Variants in GFOD2 observed in about 807,000 individuals in gnomAD.
GFOD2 encodes glucose-fructose oxidoreductase domain-containing protein 2.
GFOD2 carries 9 observed loss-of-function variants against 24.6 expected under a neutral mutation model. That is an observed-to-expected ratio of 0.37 (90% CI 0.22 to 0.64). The LOEUF is 0.64. Among genes scored for constraint, GFOD2 ranks in the 30% least tolerant of loss-of-function variants. The pLI, the probability that GFOD2 is intolerant of heterozygous loss-of-function variation, is 0.65. For synonymous variants in GFOD2, 211 were observed against 224.8 expected, an observed-to-expected ratio of 0.94 and a Z score of 0.55; for missense variants, 476 against 532.5, an observed-to-expected ratio of 0.89 and a Z score of 1.04.
chr16:67,683,724 T>G, intron 2 of GFOD2: 3 of 1,223,470 alleles, frequency 2.5e-6, no homozygotes, highest in Non-Finnish European at 3.1e-6. Flanking sequence ...TCCTATGACA[T>G]TCCTCAGAAT....
Position 67,675,585 on chromosome 16 carries a change from A to T in GFOD2, c.728T>A (p.Met243Lys). ...GACTTCATGCACAAAGGCGCCTGGC[A>T]TGTTGAAGTTGAGTGTCACTGTGCT... Reference protein sequence around the residue: ...VCSTVTLNFNMPGAFVHEVMV... With the variant: ...VCSTVTLNFNKPGAFVHEVMV... Residue 243 changes from methionine to lysine, a missense_variant, in exon 3 of 3, where the codon ATG (methionine) becomes AAG (lysine). Coordinates refer to ENST00000268797, the MANE Select transcript of GFOD2 (RefSeq NM_030819.4). 1 of 1,613,514 alleles carries T rather than the reference A, an allele frequency of 6.2e-7. No individual in the cohort carries two copies. The highest frequency in any genetic ancestry group is 8.5e-7 in the Non-Finnish European group (1 of 1,180,042).
intron 1 of GFOD2, among the ~76,000 whole-genome samples, chr16:67,694,143 C>T (rs1597797534): frequency 6.6e-6 from 1 of 151,984 alleles, no homozygotes; most frequent in Non-Finnish European, 1.5e-5. Context: ...TACAGGCACA[C>T]GCCATCACAC....
intron 1 of GFOD2, among the ~76,000 whole-genome samples, chr16:67,717,560 G>T (rs2053515951): frequency 6.6e-6 from 1 of 152,186 alleles, no homozygotes; most frequent in Non-Finnish European, 1.5e-5. Flanking sequence ...GGAGGCCAAG[G>T]CAGGCAGATC....
intron 1 of GFOD2, among the ~76,000 whole-genome samples, chr16:67,696,163 G>A (rs1388854653): frequency 1.3e-5 from 2 of 151,658 alleles, no homozygotes; most frequent in African/African-American, 4.8e-5. Flanking sequence ...ACAGGAGCCC[G>A]CCACCATGCC....
intron 1 of GFOD2, among the ~76,000 whole-genome samples, chr16:67,696,352 C>T (rs1165732271): frequency 6.7e-6 from 1 of 149,290 alleles, no homozygotes; most frequent in Non-Finnish European, 1.5e-5. Context: ...TATTACGTAT[C>T]TATGACCAAC....
intron 1 of GFOD2, among the ~76,000 whole-genome samples, chr16:67,687,153 A>T (rs1349092388): frequency 6.6e-6 from 1 of 151,676 alleles, no homozygotes; most frequent in Non-Finnish European, 1.5e-5. Flanking sequence ...GTCACAAAAA[A>T]AAAAAAAAAA....
At chr16:67,698,903 T>C (rs867912951) in intron 1 of GFOD2, among the ~76,000 whole-genome samples, 1 of 152,146 alleles carries the variant, frequency 6.6e-6, no homozygotes. Context: ...GGGAATGAAA[T>C]GGAGCAGACA....
At chr16:67,689,968 C>A (rs1023873955) in intron 1 of GFOD2, among the ~76,000 whole-genome samples, 2 of 152,150 alleles carry the variant, frequency 1.3e-5, no homozygotes, top group Admixed American at 1.3e-4. Context: ...TTTTGGCTAG[C>A]ATAATGTCTT....
At chr16:67,685,334 C>T in intron 2 of GFOD2, 123 bp downstream of exon 2, 1 of 1,508,420 alleles carries the variant, frequency 6.6e-7, no homozygotes, top group Non-Finnish European at 8.9e-7. Context: ...AAGTGATGTC[C>T]CAGAGTTCTC....
At chr16:67,680,279 T>C (rs1052302231) in intron 2 of GFOD2, among the ~76,000 whole-genome samples, 15 of 152,308 alleles carry the variant, frequency 9.8e-5, no homozygotes, top group South Asian at 4.1e-4. Context: ...TGCACAGCTG[T>C]AGTCCCAGAT....
intron 1 of GFOD2, among the ~76,000 whole-genome samples, chr16:67,695,029 G>C (rs991293822): frequency 8.5e-6 from 1 of 118,286 alleles, no homozygotes; most frequent in Non-Finnish European, 1.6e-5. Flanking sequence ...GTCTCACTCT[G>C]TCGCCTAGGC....
chr16:67,692,729 TAAA>T (rs746077184), intron 1 of GFOD2, among the ~76,000 whole-genome samples: 1 of 128,516 alleles, frequency 7.8e-6, no homozygotes, highest in Non-Finnish European at 1.7e-5. Flanking sequence ...GGGAATAATT[TAAA>T]AAAAAAAAAA....
intron 2 of GFOD2, among the ~76,000 whole-genome samples, chr16:67,679,959 C>T (rs1030802287): frequency 3.9e-5 from 6 of 152,030 alleles, no homozygotes; most frequent in Non-Finnish European, 7.4e-5. Context: ...AGTGCAGTAG[C>T]GGGATTCTGG....
intron 2 of GFOD2, chr16:67,681,653 G>T: frequency 3.5e-6 from 3 of 848,296 alleles, no homozygotes; most frequent in Non-Finnish European, 4.3e-6. Flanking sequence ...CAAGCGATCT[G>T]CCCACCTTGG....
rs781146345 is a variant in GFOD2, at chr16:67,675,177, G to A, written c.1136C>T (p.Ala379Val). 1.7e-5 allele frequency: 27 copies of A among 1,613,414 alleles called. No homozygotes were observed. The Admixed American group carries it at 4.5e-4, about 27-fold the overall frequency. ...GGCTCATAGGTTGTTCCGCTGAAGT[G>A]CCTCACACAGGTTCTGGTTGGTGTC... ...EPDTNQNLCEALQRNNL is the reference protein window; with the variant it reads ...EPDTNQNLCEVLQRNNL Residue 379 changes from alanine (A) to valine (V), a missense_variant, in exon 3 of 3, where the codon GCA becomes GTA. Ala to Val is a moderately conservative substitution (Grantham distance 64). Transcript: ENST00000268797.
At chr16:67,700,942 C>T (rs988775113) in intron 1 of GFOD2, among the ~76,000 whole-genome samples, 1 of 147,864 alleles carries the variant, frequency 6.8e-6, no homozygotes, top group Non-Finnish European at 1.5e-5. Context: ...GAGGCTGAGG[C>T]AGGAGAATCG....
chr16:67,699,761 G>GCCTCCCAAA (rs2053387664), intron 1 of GFOD2, among the ~76,000 whole-genome samples: 1 of 151,784 alleles, frequency 6.6e-6, no homozygotes, highest in South Asian at 2.1e-4. Context: ...TGGGGTAACA[G>GCCTCCCAAA]GAGCAAGCCA....
intron 1 of GFOD2, among the ~76,000 whole-genome samples, chr16:67,706,847 G>A (rs1297537782): frequency 6.6e-6 from 1 of 152,084 alleles, no homozygotes; most frequent in Non-Finnish European, 1.5e-5. Flanking sequence ...ATGAGGTCAG[G>A]AGATTGAGAC....
intron 1 of GFOD2, among the ~76,000 whole-genome samples, chr16:67,687,956 C>A (rs1306258863): frequency 1.3e-5 from 2 of 152,024 alleles, no homozygotes; most frequent in African/African-American, 4.8e-5. Flanking sequence ...CTAGCCTGGG[C>A]AATAGAGTGA....
Sources: gnomAD v4.1 joint callset for allele counts (sites outside exome capture counted in the v4.1 genomes callset) on GRCh38, gnomAD v4.1.1 for gene constraint, MANE v1.5 for transcripts, NCBI Gene and HGNC (gene_info 2026-07-23, HGNC 2026-07-21) for gene names.